INTS4: variants seen among roughly 807,000 people sequenced by gnomAD.
The protein encoded by INTS4 is integrator complex subunit 4, also known as MSTP093.
Under a neutral mutation model 119.5 loss-of-function variants are expected in INTS4, and 70 were observed. That is an observed-to-expected ratio of 0.59 (90% CI 0.48 to 0.71). The LOEUF (loss-of-function observed/expected upper bound fraction) is 0.71. Among genes scored for constraint, INTS4 ranks in the 30% least tolerant of loss-of-function variants. The pLI, the probability that INTS4 is intolerant of heterozygous loss-of-function variation, is 0.00. For missense variants in INTS4, 867 were observed against 1,173.2 expected (o/e 0.74, Z 3.81); for synonymous variants, 316 against 419.6 (o/e 0.75, Z 3.02).
intron 10 of INTS4, among the ~76,000 whole-genome samples, chr11:77,934,420 C>T (rs1336419303): frequency 1.4e-5 from 2 of 145,986 alleles, no homozygotes; most frequent in Non-Finnish European, 3.0e-5. Flanking sequence ...AAGAATGATG[C>T]AAATGCCTAG....
Position 77,991,288 on chromosome 11 carries a change from T to C in INTS4, c.66A>G (p.Glu22=), listed in dbSNP as rs1856677157. 1.2e-6 allele frequency: 2 copies of C among 1,613,152 alleles called. No homozygotes were observed. The highest frequency in any genetic ancestry group is 1.7e-5 in the Admixed American group (1 of 59,956). The part of the protein sequence containing the change: ...EFTKVVQPQE[E]IATKKLRLTK... ...TTAGTCGGAGTTTCTTAGTAGCAATTTCCTCCTGTGGCTGCAAGGGGTAGA... is the reference window on the plus strand; with the variant it reads ...TTAGTCGGAGTTTCTTAGTAGCAATCTCCTCCTGTGGCTGCAAGGGGTAGA... Residue 22 remains glutamate, a synonymous_variant, in exon 2 of 23, where the codon GAA becomes GAG. Coordinates refer to ENST00000534064, the MANE Select transcript of INTS4 (RefSeq NM_033547.4).
chr11:77,893,672 C>G lies in INTS4; in HGVS notation c.2288+618G>C, dbSNP rs183590276. ...CTTTGGGAGGCCAAGGCAGGCAGAT[C>G]ACTTGAGGTCAGGAGTTAGAGACCA... On this transcript the variant is annotated intron_variant, in intron 19 of 22. Transcript: ENST00000534064. 1.2e-3 allele frequency among the ~76,000 whole-genome samples: 183 copies of G among 152,162 alleles called. 3 individuals carry two copies. The East Asian group carries it at 0.024, about 20-fold the overall frequency.
intron 7 of INTS4, among the ~76,000 whole-genome samples, chr11:77,956,384 C>G (rs1476555434): frequency 6.6e-6 from 1 of 152,116 alleles, no homozygotes; most frequent in Non-Finnish European, 1.5e-5. Context: ...GCACTCCAGC[C>G]TGGATGACAC....
At chr11:77,951,209 C>T (rs1954186282) in intron 8 of INTS4, among the ~76,000 whole-genome samples, 1 of 151,998 alleles carries the variant, frequency 6.6e-6, no homozygotes, top group Non-Finnish European at 1.5e-5. Context: ...TTTATAGCAG[C>T]GTGATTTATA....
At chr11:77,954,279 A>ATT (rs1368759485) in intron 8 of INTS4, among the ~76,000 whole-genome samples, 1 of 152,036 alleles carries the variant, frequency 6.6e-6, no homozygotes, top group African/African-American at 2.4e-5. Flanking sequence ...TGATAACAGC[A>ATT]TTTTAAAAAA....
Position 77,994,662 on chromosome 11 carries a change from T to C in INTS4, c.-19A>G. The C allele has an allele frequency of 3.1e-6, 5 of 1,612,190 alleles. No homozygotes were observed. Among genetic ancestry groups the C allele is most frequent in the Non-Finnish European group, 4.2e-6 (5 of 1,178,902 alleles). ...CCGCCATGCCTACCCGCGGGCCCTC[T>C]CAGCTTCCGTACACTAGGAGGGAGG... On this transcript the variant is annotated 5_prime_UTR_variant, in exon 1 of 23. Transcript: ENST00000534064.
At chr11:77,972,081 T>C (rs139499109) in intron 4 of INTS4, among the ~76,000 whole-genome samples, 34 of 152,278 alleles carry the variant, frequency 2.2e-4, no homozygotes, top group African/African-American at 8.2e-4. Context: ...CAAAGACACA[T>C]GAGTTTATTT....
chr11:77,947,665 A>T (rs566223585), intron 8 of INTS4, among the ~76,000 whole-genome samples: 52 of 152,356 alleles, frequency 3.4e-4, no homozygotes, highest in Non-Finnish European at 5.9e-4. Flanking sequence ...TGAAGGTTAA[A>T]TTCAAAATGG....
intron 10 of INTS4, among the ~76,000 whole-genome samples, chr11:77,935,099 A>C (rs1312909593): frequency 2.0e-5 from 3 of 152,350 alleles, no homozygotes; most frequent in African/African-American, 7.2e-5. Flanking sequence ...TGAGATGTAC[A>C]TGAGACAGAT....
chr11:77,917,139 G>A (rs1953222316), intron 15 of INTS4, among the ~76,000 whole-genome samples: 1 of 152,014 alleles, frequency 6.6e-6, no homozygotes, highest in South Asian at 2.1e-4. Context: ...GGCTCTCTAA[G>A]GGCAGAATCC....
chr11:77,877,069 C>T (rs745751161), downstream of INTS4: 9 of 702,576 alleles, frequency 1.3e-5, no homozygotes, highest in Middle Eastern at 4.6e-4. Flanking sequence ...CTAGAAAAGT[C>T]AGCTCCCTGG....
chr11:77,975,905 G>A (rs530725984), intron 4 of INTS4, among the ~76,000 whole-genome samples: 6 of 151,324 alleles, frequency 4.0e-5, no homozygotes, highest in East Asian at 3.9e-4. Flanking sequence ...TCAGTGAGCC[G>A]AGATCACGTC....
chr11:77,944,660 G>C (rs61900189), intron 8 of INTS4, among the ~76,000 whole-genome samples: 16 of 152,196 alleles, frequency 1.1e-4, no homozygotes, highest in Non-Finnish European at 2.2e-4. Context: ...AGATTATACA[G>C]GTTCAACATC....
At chr11:77,882,503 T>C (rs1247301176) in intron 22 of INTS4, among the ~76,000 whole-genome samples, 1 of 152,220 alleles carries the variant, frequency 6.6e-6, no homozygotes, top group Non-Finnish European at 1.5e-5. Flanking sequence ...CAGCATTTCC[T>C]TCCCCATGTC....
rs1270315153 is a variant in INTS4, at chr11:77,878,796, A to T, written c.*153T>A. ...AGGTTTTTTATTTTTTAATGAAGAA[A>T]CAATTTATCCTGTGTTTGATACCAG... On this transcript the variant is annotated 3_prime_UTR_variant, in exon 23 of 23. Transcript: ENST00000534064. The T allele has an allele frequency of 5.5e-6, 4 of 732,780 alleles. No homozygotes were observed. The South Asian group carries it at 6.0e-5, about 11-fold the overall frequency. The allele number at this position is 732,780 out of a possible 1,614,324, so 45.4% of individuals were successfully genotyped here. A position where few individuals can be genotyped will look rare whatever the true frequency, so the allele number is the denominator to read the frequency against.
At chr11:77,954,807 C>T (rs914830469) in intron 8 of INTS4, among the ~76,000 whole-genome samples, 1 of 152,176 alleles carries the variant, frequency 6.6e-6, no homozygotes, top group African/African-American at 2.4e-5. Flanking sequence ...TGTTGTGTGG[C>T]CTGGTTCCTA....
intron 11 of INTS4, among the ~76,000 whole-genome samples, chr11:77,927,319 A>T (rs996437470): frequency 6.6e-6 from 1 of 152,202 alleles, no homozygotes; most frequent in African/African-American, 2.4e-5. Context: ...TTCAGGAAAA[A>T]TCTCAGTAGA....
At chr11:77,982,434 A>G (rs1396162556) in intron 2 of INTS4, among the ~76,000 whole-genome samples, 1 of 152,114 alleles carries the variant, frequency 6.6e-6, no homozygotes, top group East Asian at 1.9e-4. Flanking sequence ...CACCACGCTC[A>G]GCCCTACCTG....
chr11:77,950,770 G>A lies in INTS4; in HGVS notation c.918+5172C>T, dbSNP rs1043864629. 6.6e-5 allele frequency among the ~76,000 whole-genome samples: 10 copies of A among 151,948 alleles called. No homozygotes were observed. The East Asian group carries it at 7.7e-4, about 12-fold the overall frequency. On this transcript the variant is annotated intron_variant, in intron 8 of 22. Transcript: ENST00000534064. Reference sequence around the variant, plus strand: ...AAGTTTTAGGGTACATGTGCACAACGTGCAGGTTAGTTACATATGTACACA... The same window carrying A: ...AAGTTTTAGGGTACATGTGCACAACATGCAGGTTAGTTACATATGTACACA...
Sources: allele counts gnomAD v4.1 joint callset (sites outside exome capture counted in the v4.1 genomes callset), GRCh38; gene constraint gnomAD v4.1.1; transcripts MANE v1.5; gene names NCBI Gene and HGNC (gene_info 2026-07-23, HGNC 2026-07-21).